Variants in CSGALNACT1 observed in about 807,000 individuals in gnomAD.
CSGALNACT1 encodes chondroitin sulfate N-acetylgalactosaminyltransferase 1, also known as beta4GalNAcT-1.
In CSGALNACT1, 52 loss-of-function variants were observed where a neutral mutation model predicts 51.0. The observed-to-expected ratio is 1.02, with a 90% CI of 0.82 to 1.29. The LOEUF (loss-of-function observed/expected upper bound fraction) is 1.29. Among genes scored for constraint, CSGALNACT1 ranks in the 50% most tolerant of loss-of-function variants. CSGALNACT1 has a pLI of 0.00. For synonymous variants in CSGALNACT1, 341 were observed against 254.4 expected, an observed-to-expected ratio of 1.34 and a Z score of -3.24; for missense variants, 935 against 679.2, an observed-to-expected ratio of 1.38 and a Z score of -4.19.
chr8:19,501,995 C>T (rs911156612), intron 4 of CSGALNACT1, among the ~76,000 whole-genome samples: 13 of 152,214 alleles, frequency 8.5e-5, no homozygotes, highest in African/African-American at 3.1e-4. Context: ...GACAAAAAAT[C>T]ACTTCCTCTG....
chr8:19,533,285 T>TTTTTTA (rs538381403), intron 3 of CSGALNACT1, among the ~76,000 whole-genome samples: 2 of 151,900 alleles, frequency 1.3e-5, no homozygotes, highest in Non-Finnish European at 1.5e-5. Context: ...CCTAGCTAAT[T>TTTTTTA]TTTTTATTTT....
intron 1 of CSGALNACT1, among the ~76,000 whole-genome samples, chr8:19,610,021 C>A (rs532095330): frequency 6.6e-6 from 1 of 151,810 alleles, no homozygotes; most frequent in Non-Finnish European, 1.5e-5. Context: ...GAGTTCAAGA[C>A]GATCAGCCTG....
At chr8:19,587,695 G>A (rs17408499) in intron 3 of CSGALNACT1, among the ~76,000 whole-genome samples, 2 of 152,000 alleles carry the variant, frequency 1.3e-5, no homozygotes, top group Non-Finnish European at 2.9e-5. Flanking sequence ...TAGTGGCAAG[G>A]GCATAGATAC....
chr8:19,451,986 T>C (rs754721653), intron 5 of CSGALNACT1, among the ~76,000 whole-genome samples: 3 of 152,226 alleles, frequency 2.0e-5, no homozygotes, highest in Non-Finnish European at 4.4e-5. Flanking sequence ...GGAAGGATAA[T>C]GCTTTAAATA....
At chr8:19,722,007 CA>C (rs57486900) in intron 1 of CSGALNACT1, among the ~76,000 whole-genome samples, 1 of 151,262 alleles carries the variant, frequency 6.6e-6, no homozygotes, top group South Asian at 2.1e-4. Context: ...TCGACTCAAG[CA>C]AAAAAAAGAA....
At chr8:19,718,730 G>T (rs2062951771) in intron 1 of CSGALNACT1, among the ~76,000 whole-genome samples, 2 of 151,934 alleles carry the variant, frequency 1.3e-5, no homozygotes, top group Admixed American at 1.3e-4. Context: ...CACCCAAATT[G>T]CCTCCCATGC....
At chr8:19,602,280 G>A (rs141093008) in exon 1 of CSGALNACT1, 1 of 158,712 alleles carries the variant, frequency 6.3e-6, no homozygotes, top group Non-Finnish European at 1.4e-5. Flanking sequence ...AGGAGGGAAA[G>A]TGCTGCCCCC....
chr8:19,700,898 G>T (rs1352739865), intron 1 of CSGALNACT1, among the ~76,000 whole-genome samples: 1 of 152,018 alleles, frequency 6.6e-6, no homozygotes, highest in African/African-American at 2.4e-5. Context: ...TTTTGAAGGG[G>T]GCAAAATTTT....
intron 3 of CSGALNACT1, among the ~76,000 whole-genome samples, chr8:19,552,222 C>T (rs2154083554): frequency 6.6e-6 from 1 of 152,222 alleles, no homozygotes; most frequent in African/African-American, 2.4e-5. Flanking sequence ...ATTATAGACA[C>T]AAGATGGTTG....
chr8:19,607,211 A>G (rs1347653966), upstream of CSGALNACT1, among the ~76,000 whole-genome samples: 1 of 152,136 alleles, frequency 6.6e-6, no homozygotes, highest in Non-Finnish European at 1.5e-5. Flanking sequence ...CGTGGTCTGG[A>G]GTTGAACTGT....
chr8:19,581,841 G>A lies in CSGALNACT1; in HGVS notation c.-297+9319C>T, dbSNP rs182109650. 2.6e-5 allele frequency among the ~76,000 whole-genome samples: 4 copies of A among 152,242 alleles called. No homozygotes were observed. The South Asian group carries it at 6.2e-4, about 24-fold the overall frequency. On this transcript the variant is annotated intron_variant, in intron 3 of 9. Transcript: ENST00000454498. The stretch of plus-strand genomic sequence containing the variant: ...TACATTAGTCTCTTAACATGTAGAC[G>A]GAAAGCTGCTGTTGTAGGTATTTTT...
intron 3 of CSGALNACT1, among the ~76,000 whole-genome samples, chr8:19,523,428 C>A (rs59920267): frequency 0.031 from 4,667 of 152,026 alleles, 132 homozygotes; most frequent in East Asian, 0.15. Context: ...TGATGCCCAG[C>A]TAATTTTTTT....
chr8:19,737,649 G>A (rs2064066989), intron 1 of CSGALNACT1, among the ~76,000 whole-genome samples: 2 of 151,916 alleles, frequency 1.3e-5, no homozygotes, highest in Admixed American at 1.3e-4. Flanking sequence ...GAGAGAAAAT[G>A]AAACATAAAA....
At chr8:19,632,371 G>A (rs961615564) in intron 1 of CSGALNACT1, among the ~76,000 whole-genome samples, 1 of 152,208 alleles carries the variant, frequency 6.6e-6, no homozygotes, top group Non-Finnish European at 1.5e-5. Flanking sequence ...TCTATCTGCC[G>A]TTTACGGCAC....
chr8:19,556,757 G>GCA (rs1429055552), intron 3 of CSGALNACT1, among the ~76,000 whole-genome samples: 1 of 151,722 alleles, frequency 6.6e-6, no homozygotes, highest in African/African-American at 2.4e-5. Context: ...TCATATTAAT[G>GCA]CACCATGTAT....
At chr8:19,618,715 C>T (rs1177923355) in intron 1 of CSGALNACT1, among the ~76,000 whole-genome samples, 3 of 151,144 alleles carry the variant, frequency 2.0e-5, no homozygotes, top group Non-Finnish European at 3.0e-5. Flanking sequence ...AATCATGGCA[C>T]CCAGCTTCTC....
chr8:19,537,796 A>AG (rs1420427468), intron 3 of CSGALNACT1, among the ~76,000 whole-genome samples: 1 of 152,248 alleles, frequency 6.6e-6, no homozygotes, highest in Non-Finnish European at 1.5e-5. Flanking sequence ...TAAAACTTTT[A>AG]GGAAAAAACA....
intron 6 of CSGALNACT1, among the ~76,000 whole-genome samples, chr8:19,436,545 A>G (rs2060404986): frequency 6.6e-6 from 1 of 152,328 alleles, no homozygotes; most frequent in Admixed American, 6.5e-5. Flanking sequence ...CTCTGAACAA[A>G]AGCTTTATCA....
intron 1 of CSGALNACT1, among the ~76,000 whole-genome samples, chr8:19,629,846 G>T (rs1433494887): frequency 6.6e-6 from 1 of 152,168 alleles, no homozygotes; most frequent in Non-Finnish European, 1.5e-5. Context: ...TCCCTGTGGG[G>T]TATGCAAATT....
Sources: allele counts gnomAD v4.1 joint callset (sites outside exome capture counted in the v4.1 genomes callset), GRCh38; gene constraint gnomAD v4.1.1; transcripts MANE v1.5; gene names NCBI Gene and HGNC (gene_info 2026-07-23, HGNC 2026-07-21).